Variants in DSE observed in about 807,000 individuals in gnomAD.
The protein encoded by DSE is dermatan-sulfate epimerase.
Under a neutral mutation model 84.4 loss-of-function variants are expected in DSE, and 36 were observed. The ratio of observed to expected loss-of-function variants is 0.43; its 90% CI spans 0.33 to 0.56. The LOEUF is 0.56. Among genes scored for constraint, DSE ranks in the 20% least tolerant of loss-of-function variants. The pLI, the probability that DSE is intolerant of heterozygous loss-of-function variation, is 0.06. For missense variants in DSE, 862 were observed against 1,169.6 expected, an observed-to-expected ratio of 0.74 and a Z score of 3.84; for synonymous variants, 410 against 430.1, an observed-to-expected ratio of 0.95 and a Z score of 0.58.
At chr6:116,419,818 C>T (rs1395383216) in intron 2 of DSE, among the ~76,000 whole-genome samples, 3 of 151,926 alleles carry the variant, frequency 2.0e-5, no homozygotes, top group Non-Finnish European at 4.4e-5. Flanking sequence ...TATGAATTTA[C>T]GAAGTAAATA....
chr6:116,341,391 G>C (rs1316582148), intron 2 of DSE, among the ~76,000 whole-genome samples: 1 of 152,130 alleles, frequency 6.6e-6, no homozygotes, highest in Non-Finnish European at 1.5e-5. Flanking sequence ...CTTGTCAGAT[G>C]GGTAGATTGC....
intron 2 of DSE, among the ~76,000 whole-genome samples, chr6:116,285,952 T>G (rs1257722110): frequency 2.0e-5 from 3 of 152,058 alleles, no homozygotes; most frequent in African/African-American, 7.2e-5. Context: ...AGTCAGGTAG[T>G]GTGATGCCTC....
chr6:116,273,630 CAGT>C (rs1298033357), intron 2 of DSE, among the ~76,000 whole-genome samples: 1 of 151,934 alleles, frequency 6.6e-6, no homozygotes, highest in Non-Finnish European at 1.5e-5. Context: ...TGCTTGTGTG[CAGT>C]AGATGTTTTG....
rs571111557 is a variant in DSE, at chr6:116,270,621, C to T, written c.-54+11654C>T. Among the ~76,000 whole-genome samples the T allele has an allele frequency of 1.6e-4, 24 of 151,770 alleles. No homozygotes were observed. In the South Asian group the frequency reaches 2.5e-3, roughly 16 times the overall value. ...TTCAGGCAGTAGATATAAAAAATTA[C>T]ATTTTTAAAGACAGGATACAGTTAT... On this transcript the variant is annotated intron_variant, in intron 2 of 3. Coordinates refer to the DSE transcript ENST00000430252.
chr6:116,368,552 T>G (rs1783845641), upstream of DSE, among the ~76,000 whole-genome samples: 1 of 152,250 alleles, frequency 6.6e-6, no homozygotes, highest in South Asian at 2.1e-4. Context: ...TCAGTGATTC[T>G]CCAACTAAAC....
intron 1 of DSE, among the ~76,000 whole-genome samples, chr6:116,374,045 A>G (rs67134208): frequency 0.19 from 28,748 of 152,154 alleles, 2,804 homozygotes; most frequent in Non-Finnish European, 0.22. Flanking sequence ...TGGTTGTAGC[A>G]TATATTAAAT....
chr6:116,417,402 C>T (rs968690448), intron 2 of DSE, among the ~76,000 whole-genome samples: 6 of 152,028 alleles, frequency 3.9e-5, no homozygotes, highest in Non-Finnish European at 7.4e-5. Flanking sequence ...TGGTATATTC[C>T]GACACTTCGA....
intron 2 of DSE, among the ~76,000 whole-genome samples, chr6:116,422,367 T>C (rs1273606201): frequency 6.6e-6 from 1 of 152,252 alleles, no homozygotes; most frequent in Non-Finnish European, 1.5e-5. Flanking sequence ...CTTTCAGCTT[T>C]CCTTGAACTG....
upstream of DSE, chr6:116,367,071 T>G (rs1040406718): frequency 3.3e-5 from 5 of 152,124 alleles, no homozygotes; most frequent in African/African-American, 4.8e-5. Context: ...CGGAGCAGTC[T>G]TGGTAATGGA....
chr6:116,296,101 A>G (rs1774648930), intron 2 of DSE, among the ~76,000 whole-genome samples: 1 of 152,156 alleles, frequency 6.6e-6, no homozygotes, highest in Non-Finnish European at 1.5e-5. Flanking sequence ...ATCCAGGGGA[A>G]TTGGTTCCAG....
intron 2 of DSE, among the ~76,000 whole-genome samples, chr6:116,274,223 C>T (rs889096084): frequency 1.3e-5 from 2 of 151,970 alleles, no homozygotes; most frequent in East Asian, 1.9e-4. Flanking sequence ...TGTTAAAATA[C>T]GACTGAAAAT....
At chr6:116,323,810 G>A (rs1583018534) in intron 2 of DSE, among the ~76,000 whole-genome samples, 1 of 152,110 alleles carries the variant, frequency 6.6e-6, no homozygotes, top group African/African-American at 2.4e-5. Context: ...TTCTATAAGG[G>A]GAAAACAGGT....
chr6:116,420,505 G>A (rs545972154), intron 2 of DSE, among the ~76,000 whole-genome samples: 1 of 152,232 alleles, frequency 6.6e-6, no homozygotes, highest in South Asian at 2.1e-4. Flanking sequence ...GTAAGATGGC[G>A]GCGGCCTTCT....
chr6:116,368,357 A>T (rs1779284734), upstream of DSE, among the ~76,000 whole-genome samples: 1 of 152,210 alleles, frequency 6.6e-6, no homozygotes, highest in South Asian at 2.1e-4. Flanking sequence ...TGAGAATGAG[A>T]ACTTAAATGA....
rs1784496871 is a variant in DSE at position 116,443,741 on chromosome 6, C to G, written c.*6396C>G. ...TAAGAAAAGAGCTTCTAAAAACATT[C>G]AGTCAGCCCAGCACATTCCAAATTA... On this transcript the variant is annotated 3_prime_UTR_variant, in exon 6 of 6. Coordinates refer to ENST00000644252, the MANE Select transcript of DSE (RefSeq NM_013352.4). The G allele has an allele frequency of 6.6e-6, 1 of 152,168 alleles. No homozygotes were observed. The highest frequency in any genetic ancestry group is 1.5e-5 in the Non-Finnish European group (1 of 68,020). The allele number at this position is 152,168 out of a possible 1,614,324, so 9.4% of individuals were successfully genotyped here.
chr6:116,426,661 C>T lies in DSE; in HGVS notation c.504C>T (p.Tyr168=). The T allele has an allele frequency of 6.2e-7, 1 of 1,614,088 alleles. No homozygotes were observed. The highest frequency in any genetic ancestry group is 1.3e-5 in the African/African-American group (1 of 75,020). The stretch of plus-strand genomic sequence containing the variant: ...CTGCTTATGACTTCTTGTACAACTA[C>T]CTGAGCAAGACACAACAGGAGAAGT... ...FATAYDFLYN[Y]LSKTQQEKFL... is the part of the protein sequence containing the mutation. The change falls in exon 3 of 6, where the codon TAC becomes TAT. Residue 168 remains tyrosine, a synonymous_variant. Transcript: ENST00000644252.
At chr6:116,420,479 G>C (rs1239493533) in intron 2 of DSE, among the ~76,000 whole-genome samples, 1 of 152,166 alleles carries the variant, frequency 6.6e-6, no homozygotes, top group African/African-American at 2.4e-5. Context: ...TCTAGGACAG[G>C]CCAGGTGAGC....
In DSE at chr6:116,438,008, G is replaced by T. The variant is rs1219033849; in HGVS notation, c.*663G>T. 1 of 152,460 alleles carries T rather than the reference G, an allele frequency of 6.6e-6. No individual in the cohort carries two copies. The highest frequency in any genetic ancestry group is 1.9e-4 in the East Asian group (1 of 5,200). 9.4% of individuals were successfully genotyped at this position (152,460 alleles called of 1,614,324 possible). ...ATGAATGAATATTTCCTTGATGCTGGTCTCTGCACACATATGCTTGGTTAC... is the reference window on the plus strand; with the variant it reads ...ATGAATGAATATTTCCTTGATGCTGTTCTCTGCACACATATGCTTGGTTAC... On this transcript the variant is annotated 3_prime_UTR_variant, in exon 6 of 6. Transcript: ENST00000644252.
intron 2 of DSE, among the ~76,000 whole-genome samples, chr6:116,303,462 A>T (rs1775158929): frequency 1.3e-5 from 2 of 152,158 alleles, no homozygotes; most frequent in Non-Finnish European, 1.5e-5. Context: ...TCAAGTACAT[A>T]GTGTAGTTGA....
Sources: allele counts gnomAD v4.1 joint callset (sites outside exome capture counted in the v4.1 genomes callset), GRCh38; gene constraint gnomAD v4.1.1; transcripts MANE v1.5; gene names NCBI Gene and HGNC (gene_info 2026-07-23, HGNC 2026-07-21).